Variants in POLN observed in about 807,000 individuals in gnomAD.
POLN encodes DNA polymerase N.
In POLN, 108 loss-of-function variants were observed where a neutral mutation model predicts 113.5. The observed-to-expected ratio is 0.95, with a 90% confidence interval of 0.81 to 1.12. The LOEUF (loss-of-function observed/expected upper bound fraction) is 1.12, where lower values mean the gene tolerates loss of function less well. Among genes scored for constraint, POLN ranks in the 50% most tolerant of loss-of-function variants. POLN has a pLI of 0.00. For missense variants in POLN, 1,097 were observed against 1,077.1 expected (o/e 1.02, Z -0.26); for synonymous variants, 386 against 391.5 (o/e 0.99, Z 0.17).
At position 2,163,992 on chromosome 4, in the gene POLN, A is replaced by G. The variant is rs910316456; in HGVS notation, c.1555-4781T>C. Among the ~76,000 whole-genome samples the G allele has an allele frequency of 8.5e-5, 13 of 152,288 alleles. No homozygotes were observed. The East Asian group carries it at 2.5e-3, about 29-fold the overall frequency. Reference sequence around the variant, plus strand: ...CCAGTTTTCCCTGAGTAGTGGCTGTATCTATTTGCCCAAGTGCACAACTCA... The same window carrying G: ...CCAGTTTTCCCTGAGTAGTGGCTGTGTCTATTTGCCCAAGTGCACAACTCA... On this transcript the variant is annotated intron_variant, in intron 13 of 25. Coordinates refer to ENST00000511885, the MANE Select transcript of POLN (RefSeq NM_181808.4).
At position 2,242,094 on chromosome 4, in the gene POLN, G is replaced by A. The variant is rs1226916532; in HGVS notation, c.-327C>T. The A allele has an allele frequency of 6.1e-6, 6 of 985,746 alleles. No individual in the cohort carries two copies. Among genetic ancestry groups the A allele is most frequent in the East Asian group, 1.1e-4 (1 of 8,830 alleles). 61.1% of individuals were successfully genotyped at this position (985,746 alleles called of 1,614,324 possible). ...CTTCTCGCAGGAGCCCGCCGCCACCGCCCTCCGTGCCCCGCGCGCCTCGCA... is the reference window on the plus strand; with the variant it reads ...CTTCTCGCAGGAGCCCGCCGCCACCACCCTCCGTGCCCCGCGCGCCTCGCA... On this transcript the variant is annotated 5_prime_UTR_variant, in exon 1 of 26. Transcript: ENST00000511885.
chr4:2,223,885 T>G (rs1267446425), intron 3 of POLN, among the ~76,000 whole-genome samples: 1 of 152,240 alleles, frequency 6.6e-6, no homozygotes, highest in Admixed American at 6.5e-5. Flanking sequence ...GTGTGAAACC[T>G]TAGTGCATTA....
chr4:2,098,127 A>G (rs1014684058), intron 19 of POLN, among the ~76,000 whole-genome samples: 3 of 152,238 alleles, frequency 2.0e-5, no homozygotes, highest in African/African-American at 2.4e-5. Context: ...CAAAAAGCCA[A>G]AATGGGCTGG....
In POLN at chr4:2,075,524, C is replaced by T. The variant is rs1730254555; in HGVS notation, c.2388-5G>A. On this transcript the variant is annotated splice_polypyrimidine_tract_variant and splice_region_variant and intron_variant, in intron 23 of 25. Transcript: ENST00000511885. The stretch of plus-strand genomic sequence containing the variant: ...TCATGGATCTGGGCCACCAGCCTGG[C>T]AGGGAGGGAAGGAGTCACCCTGGGA... 1 of 1,613,112 alleles carries T rather than the reference C, an allele frequency of 6.2e-7. No individual in the cohort carries two copies. The highest frequency in any genetic ancestry group is 8.5e-7 in the Non-Finnish European group (1 of 1,179,906).
At chr4:2,184,636 T>C (rs1481210384) in intron 7 of POLN, among the ~76,000 whole-genome samples, 1 of 152,222 alleles carries the variant, frequency 6.6e-6, no homozygotes, top group Non-Finnish European at 1.5e-5. Flanking sequence ...ACATATCCAG[T>C]GACCAGATTC....
At chr4:2,094,264 GC>G (rs1363663630) in intron 20 of POLN, among the ~76,000 whole-genome samples, 1 of 151,584 alleles carries the variant, frequency 6.6e-6, no homozygotes, top group Non-Finnish European at 1.5e-5. Flanking sequence ...GGAGGCTTGA[GC>G]CCAGGAGTTG....
chr4:2,206,106 A>T (rs1345692693), intron 5 of POLN, among the ~76,000 whole-genome samples: 1 of 152,194 alleles, frequency 6.6e-6, no homozygotes, highest in Non-Finnish European at 1.5e-5. Flanking sequence ...AAATACTTAC[A>T]GCCAACTGAT....
At chr4:2,134,769 A>T (rs1429505431) in intron 16 of POLN, among the ~76,000 whole-genome samples, 1 of 152,162 alleles carries the variant, frequency 6.6e-6, no homozygotes, top group African/African-American at 2.4e-5. Flanking sequence ...CAGACCAAGT[A>T]CTGATCACAA....
intron 2 of POLN, chr4:2,231,734 T>C (rs755052572): frequency 4.5e-6 from 2 of 439,908 alleles, no homozygotes; most frequent in Non-Finnish European, 8.1e-6. Context: ...ACTAAACACA[T>C]GCTCAAGTCA....
intron 7 of POLN, among the ~76,000 whole-genome samples, chr4:2,180,335 C>CA (rs1467519441): frequency 2.6e-5 from 4 of 152,166 alleles, no homozygotes; most frequent in Admixed American, 2.6e-4. Flanking sequence ...AATCAATAGA[C>CA]AAACTAAATC....
At chr4:2,219,652 T>C (rs1381167637) in intron 3 of POLN, among the ~76,000 whole-genome samples, 2 of 152,152 alleles carry the variant, frequency 1.3e-5, no homozygotes, top group African/African-American at 4.8e-5. Flanking sequence ...CTTCGGTAAA[T>C]AGAGCATCCA....
At position 2,081,749 on chromosome 4, in the gene POLN, TCACA is replaced by T; in HGVS notation, c.2198-10_2198-7del. The T allele has an allele frequency of 1.2e-6, 2 of 1,612,898 alleles. No homozygotes were observed. The highest frequency in any genetic ancestry group is 1.7e-6 in the Non-Finnish European group (2 of 1,179,228). On this transcript the variant is annotated splice_region_variant and splice_polypyrimidine_tract_variant and intron_variant, in intron 21 of 25. Coordinates refer to ENST00000511885, the MANE Select transcript of POLN (RefSeq NM_181808.4). ...CATGATGGACACCACACAGCCTGAG[TCACA>T]CAGAGCAAAAGTAGATGAGGGACAG...
intron 25 of POLN, among the ~76,000 whole-genome samples, chr4:2,072,738 G>C (rs976243085): frequency 2.6e-5 from 4 of 152,196 alleles, no homozygotes; most frequent in Non-Finnish European, 1.5e-5. Flanking sequence ...GCTCTTGACA[G>C]GGAGGGAGGG....
chr4:2,208,481 T>A lies in POLN; in HGVS notation c.220A>T (p.Lys74Ter). The A allele has an allele frequency of 1.3e-6, 2 of 1,532,836 alleles. No homozygotes were observed. The highest frequency in any genetic ancestry group is 1.7e-6 in the Non-Finnish European group (2 of 1,144,652). The allele number at this position is 1,532,836 out of a possible 1,614,324, so 95.0% of individuals were successfully genotyped here. ...CTTGATGTCTGACTTCTTAAAGATT[T>A]AAGATCCTACAGAAAAATGGAAAAT... ...KTQSPEKKDLKSLRSQTSRGS... is the reference protein window; with the variant it reads ...KTQSPEKKDL The change falls in exon 5 of 26, where the codon AAA (lysine) becomes TAA (stop). Residue 74 changes from lysine to a stop codon, truncating the protein, a stop_gained. Transcript: ENST00000511885. LOFTEE classifies it high-confidence loss of function.
At chr4:2,156,373 A>C in intron 16 of POLN, 1 of 382,810 alleles carries the variant, frequency 2.6e-6, no homozygotes, top group Non-Finnish European at 5.1e-6. Flanking sequence ...GGGAATTTAG[A>C]GCTTTTTTTT....
intron 2 of POLN, chr4:2,231,963 A>T (rs913028999): frequency 1.4e-6 from 2 of 1,441,722 alleles, no homozygotes; most frequent in African/African-American, 2.9e-5. Flanking sequence ...TCTTTGATTG[A>T]GTTTCTAAAT....
intron 3 of POLN, among the ~76,000 whole-genome samples, chr4:2,222,468 C>A (rs1462980347): frequency 6.6e-6 from 1 of 152,008 alleles, no homozygotes; most frequent in Non-Finnish European, 1.5e-5. Context: ...GGTCCGGAGG[C>A]GGAGGTTAAA....
At chr4:2,178,714 C>T (rs769721550) in intron 8 of POLN, among the ~76,000 whole-genome samples, 4 of 151,968 alleles carry the variant, frequency 2.6e-5, no homozygotes, top group African/African-American at 9.7e-5. Flanking sequence ...CAGGTTCAAG[C>T]AATTCTCCTG....
In POLN at chr4:2,073,010, C is replaced by T. The variant is rs557161419; in HGVS notation, c.2475G>A (p.Met825Ile). Residue 825 changes from methionine to isoleucine, a missense_variant, in exon 25 of 26, where the codon ATG (methionine) becomes ATA (isoleucine). By Grantham distance (10) the Met-to-Ile change is conservative. Coordinates refer to ENST00000511885, the MANE Select transcript of POLN (RefSeq NM_181808.4). Reference protein sequence around the residue: ...PECAALVRRTMESLEQVQALE... With the variant: ...PECAALVRRTIESLEQVQALE... ...ATGCCTGCACCTGTTCCAAGGACTCCATGGTCCTCCTGACGAGAGCTAGAG... is the reference window on the plus strand; with the variant it reads ...ATGCCTGCACCTGTTCCAAGGACTCTATGGTCCTCCTGACGAGAGCTAGAG... 37 of 1,613,568 alleles carry T rather than the reference C, an allele frequency of 2.3e-5. 1 individual carries two copies. In the South Asian group the frequency reaches 3.3e-4, roughly 14 times the overall value.
Sources: allele counts gnomAD v4.1 joint callset (sites outside exome capture counted in the v4.1 genomes callset), GRCh38; gene constraint gnomAD v4.1.1; transcripts MANE v1.5; gene names NCBI Gene and HGNC (gene_info 2026-07-23, HGNC 2026-07-21).